FAM171A1: variants seen among roughly 807,000 people sequenced by gnomAD.
FAM171A1 encodes family with sequence similarity 171 member A1, also known as protein FAM171A1.
A neutral mutation model predicts 74.9 loss-of-function variants in FAM171A1; 23 were observed. That is an observed-to-expected ratio of 0.31 (90% confidence interval 0.22 to 0.44). The LOEUF is 0.44. Ranked by LOEUF, FAM171A1 falls within the 20% of genes least tolerant of loss-of-function variation. The probability of loss-of-function intolerance (pLI) is 1.00; values close to 1 mark genes in which losing one functional copy is unlikely to be tolerated. For missense variants in FAM171A1, 1,162 were observed against 1,159.2 expected, an observed-to-expected ratio of 1.00 and a Z score of -0.03; for synonymous variants, 527 against 505.7, an observed-to-expected ratio of 1.04 and a Z score of -0.57.
At chr10:15,281,537 C>T (rs1261670932) in intron 2 of FAM171A1, among the ~76,000 whole-genome samples, 4 of 152,192 alleles carry the variant, frequency 2.6e-5, no homozygotes, top group African/African-American at 9.6e-5. Flanking sequence ...AATTAAACTT[C>T]ATTATTCCTA....
intron 1 of FAM171A1, among the ~76,000 whole-genome samples, chr10:15,307,798 TG>T (rs1322582778): frequency 1.3e-5 from 2 of 148,384 alleles, no homozygotes; most frequent in African/African-American, 5.0e-5. Flanking sequence ...AGAGGCAATG[TG>T]GGGGAATTAA....
At chr10:15,300,547 A>T (rs1420994555) in intron 1 of FAM171A1, among the ~76,000 whole-genome samples, 1 of 152,074 alleles carries the variant, frequency 6.6e-6, no homozygotes, top group Non-Finnish European at 1.5e-5. Context: ...GGTGAAACAA[A>T]ATCTCCAAAG....
intron 1 of FAM171A1, among the ~76,000 whole-genome samples, chr10:15,365,178 T>C (rs1420186460): frequency 6.6e-6 from 1 of 152,140 alleles, no homozygotes; most frequent in African/African-American, 2.4e-5. Context: ...TAACATTTGC[T>C]ACGTAAATTT....
chr10:15,212,847 GTA>G lies in FAM171A1; in HGVS notation c.*66_*67del. On this transcript the variant is annotated 3_prime_UTR_variant, in exon 8 of 8. Coordinates refer to ENST00000378116, the MANE Select transcript of FAM171A1 (RefSeq NM_001010924.2). ...GCCGTTCCGTTTCCTCCACGAACGG[GTA>G]CGCGCTTCCATGAGAAAGGATATTT... The G allele has an allele frequency of 3.2e-6, 5 of 1,583,376 alleles. No individual in the cohort carries two copies. Among genetic ancestry groups the G allele is most frequent in the Non-Finnish European group, 4.3e-6 (5 of 1,166,976 alleles).
At chr10:15,317,659 C>T (rs1255366968) in intron 1 of FAM171A1, among the ~76,000 whole-genome samples, 1 of 152,222 alleles carries the variant, frequency 6.6e-6, no homozygotes, top group Non-Finnish European at 1.5e-5. Flanking sequence ...TCCCAAAATG[C>T]TGGGATTACA....
At chr10:15,373,304 T>C (rs1248227067), upstream of FAM171A1, among the ~76,000 whole-genome samples, 1 of 152,196 alleles carries the variant, frequency 6.6e-6, no homozygotes. Flanking sequence ...ATATATGGCA[T>C]CAAAGTTCCT....
At chr10:15,230,541 T>G (rs924006570) in intron 5 of FAM171A1, among the ~76,000 whole-genome samples, 2 of 152,228 alleles carry the variant, frequency 1.3e-5, no homozygotes, top group African/African-American at 4.8e-5. Flanking sequence ...CATGAATGTG[T>G]TGAATATTAG....
intron 6 of FAM171A1, among the ~76,000 whole-genome samples, chr10:15,219,120 T>G (rs991387935): frequency 5.3e-5 from 8 of 152,072 alleles, no homozygotes; most frequent in African/African-American, 1.9e-4. Flanking sequence ...CTGTCTCCAC[T>G]AAAATACAAA....
chr10:15,344,774 C>T (rs1280310438), intron 1 of FAM171A1, among the ~76,000 whole-genome samples: 2 of 152,188 alleles, frequency 1.3e-5, no homozygotes, highest in Non-Finnish European at 2.9e-5. Context: ...GACTTTGTTA[C>T]TTTGTCTCAG....
At chr10:15,362,480 TG>T (rs1250166082) in intron 1 of FAM171A1, among the ~76,000 whole-genome samples, 2 of 152,116 alleles carry the variant, frequency 1.3e-5, no homozygotes, top group East Asian at 3.9e-4. Context: ...CTGAGGTGGG[TG>T]GGTCACCTGA....
intron 1 of FAM171A1, among the ~76,000 whole-genome samples, chr10:15,345,198 T>C (rs1481130854): frequency 6.6e-6 from 1 of 152,180 alleles, no homozygotes; most frequent in African/African-American, 2.4e-5. Flanking sequence ...TACGATCACA[T>C]TGACTTTTTC....
intron 1 of FAM171A1, among the ~76,000 whole-genome samples, chr10:15,330,470 G>C (rs1227429653): frequency 6.6e-6 from 1 of 152,188 alleles, no homozygotes; most frequent in Admixed American, 6.5e-5. Context: ...GTCAAGGGCA[G>C]AGAGATGACA....
intron 1 of FAM171A1, among the ~76,000 whole-genome samples, chr10:15,340,509 C>T (rs1016544215): frequency 6.6e-6 from 1 of 152,084 alleles, no homozygotes; most frequent in African/African-American, 2.4e-5. Context: ...TGTCAAAGGC[C>T]CAACTGTCTG....
intron 3 of FAM171A1, among the ~76,000 whole-genome samples, chr10:15,256,757 T>A (rs11259581): frequency 0.38 from 58,154 of 151,970 alleles, 11,554 homozygotes; most frequent in Admixed American, 0.49. Context: ...TGTGGAGAGT[T>A]CAAATTCCTC....
rs374082293 is a variant in FAM171A1, at chr10:15,214,126, T to C, written c.1462A>G (p.Ser488Gly). Residue 488 changes from serine to glycine, a missense_variant, in exon 8 of 8, where the codon AGT becomes GGT. Coordinates refer to ENST00000378116, the MANE Select transcript of FAM171A1 (RefSeq NM_001010924.2). ...ESSGNDDYRGSYNTVLSQPLF... is the reference protein window; with the variant it reads ...ESSGNDDYRGGYNTVLSQPLF... ...GGCTGTGAGAGCACGGTGTTGTAAC[T>C]ACCCCTGTAGTCATCATTGCCCGAG... is the stretch of plus-strand genomic sequence containing the variant. The C allele has an allele frequency of 1.2e-6, 2 of 1,614,166 alleles. No individual in the cohort carries two copies. The highest frequency in any genetic ancestry group is 1.7e-6 in the Non-Finnish European group (2 of 1,180,018).
rs75201376 is a variant in FAM171A1 at position 15,296,665 on chromosome 10, T to C, written c.98-12560A>G. 3.8e-3 allele frequency among the ~76,000 whole-genome samples: 574 copies of C among 152,312 alleles called. 1 individual carries two copies. The highest frequency in any genetic ancestry group is 0.013 in the African/African-American group (520 of 41,566). ...CCACGTAGGCACCTTTCACTCTTGA[T>C]TGTACCAAGAGGTGCCCTGAACCTC... On this transcript the variant is annotated intron_variant, in intron 1 of 7. Coordinates refer to ENST00000378116, the MANE Select transcript of FAM171A1 (RefSeq NM_001010924.2).
chr10:15,308,557 G>A (rs946806268), intron 1 of FAM171A1, among the ~76,000 whole-genome samples: 5 of 152,120 alleles, frequency 3.3e-5, no homozygotes, highest in Admixed American at 2.0e-4. Context: ...TCCGCCTACC[G>A]GGTTCAAACA....
chr10:15,370,336 CT>C (rs1403919572), intron 1 of FAM171A1, among the ~76,000 whole-genome samples: 3 of 150,696 alleles, frequency 2.0e-5, no homozygotes, highest in East Asian at 3.9e-4. Context: ...GAGCAAATCC[CT>C]TATGGTCTGG....
intron 1 of FAM171A1, among the ~76,000 whole-genome samples, chr10:15,298,238 G>A (rs1056299704): frequency 3.9e-5 from 6 of 151,972 alleles, no homozygotes; most frequent in African/African-American, 7.3e-5. Context: ...AGGTTGAAGC[G>A]ATTCTCCTGT....
Sources: allele counts gnomAD v4.1 joint callset (sites outside exome capture counted in the v4.1 genomes callset), GRCh38; gene constraint gnomAD v4.1.1; transcripts MANE v1.5; gene names NCBI Gene and HGNC (gene_info 2026-07-23, HGNC 2026-07-21).